The following TRIO variants were observed in gnomAD, a reference collection of about 807,000 sequenced individuals.
TRIO encodes the protein trio Rho guanine nucleotide exchange factor, also known as triple functional domain protein.
TRIO carries 58 observed loss-of-function variants against 351.9 expected under a neutral mutation model. The observed-to-expected ratio is 0.16, with a 90% CI of 0.13 to 0.21. The LOEUF (loss-of-function observed/expected upper bound fraction) is 0.21, where lower values mean the gene tolerates loss of function less well. Among genes scored for constraint, TRIO ranks in the 10% least tolerant of loss-of-function variants. The pLI, the probability that TRIO is intolerant of heterozygous loss-of-function variation, is 1.00. For synonymous variants in TRIO, 1,758 were observed against 1,595.7 expected (o/e 1.10, Z -2.42); for missense variants, 3,201 against 4,027.8 (o/e 0.79, Z 5.56).
At chr5:14,297,049 C>T (rs1463744756) in intron 6 of TRIO, 23 bp from the exon 7 acceptor site, 2 of 1,599,324 alleles carry the variant, frequency 1.3e-6, no homozygotes, top group Admixed American at 3.4e-5. Flanking sequence ...CTAAGGAGCC[C>T]TCTTTTCCTG....
At chr5:14,412,025 T>C (rs1749252068) in intron 33 of TRIO, among the ~76,000 whole-genome samples, 1 of 151,094 alleles carries the variant, frequency 6.6e-6, no homozygotes, top group African/African-American at 2.4e-5. Flanking sequence ...TCTTGCTCTG[T>C]CTCCCAGGCT....
At chr5:14,468,045 C>A (rs546796242) in intron 37 of TRIO, among the ~76,000 whole-genome samples, 3 of 152,122 alleles carry the variant, frequency 2.0e-5, no homozygotes, top group Non-Finnish European at 4.4e-5. Context: ...TCCCAGGGAA[C>A]GCTGTGAGGC....
intron 1 of TRIO, among the ~76,000 whole-genome samples, chr5:14,144,735 G>C (rs1014292606): frequency 3.3e-5 from 5 of 151,980 alleles, no homozygotes; most frequent in Non-Finnish European, 5.9e-5. Context: ...GGGGCACCGG[G>C]TTTGCTGCGC....
chr5:14,424,164 C>T (rs962103828), intron 34 of TRIO, among the ~76,000 whole-genome samples: 1 of 151,942 alleles, frequency 6.6e-6, no homozygotes, highest in African/African-American at 2.4e-5. Context: ...TGAGATGGGG[C>T]GGGCGCAGGA....
chr5:14,187,300 A>G (rs1790181418), intron 1 of TRIO, among the ~76,000 whole-genome samples: 1 of 152,252 alleles, frequency 6.6e-6, no homozygotes. Context: ...AATGGGAGAT[A>G]AGGATTTTTA....
At chr5:14,456,059 G>T (rs1753275515) in intron 34 of TRIO, among the ~76,000 whole-genome samples, 1 of 152,280 alleles carries the variant, frequency 6.6e-6, no homozygotes, top group Non-Finnish European at 1.5e-5. Flanking sequence ...GTGCGGGCGG[G>T]CTGGCTGGCA....
chr5:14,301,883 G>C (rs1179741994), intron 7 of TRIO, among the ~76,000 whole-genome samples: 5 of 152,056 alleles, frequency 3.3e-5, no homozygotes, highest in African/African-American at 1.2e-4. Context: ...TTGTGTCTTA[G>C]AAATAAAGAA....
intron 8 of TRIO, among the ~76,000 whole-genome samples, chr5:14,314,177 A>G (rs1471349709): frequency 2.0e-5 from 3 of 152,258 alleles, no homozygotes; most frequent in African/African-American, 7.2e-5. Flanking sequence ...GATATAACAC[A>G]AATTTTATGA....
chr5:14,222,142 CTTTTTT>C (rs34968826), intron 1 of TRIO, among the ~76,000 whole-genome samples: 1 of 141,424 alleles, frequency 7.1e-6, no homozygotes, highest in African/African-American at 2.6e-5. Context: ...TTTTTCTTTT[CTTTTTT>C]TTTTTTTTAG....
chr5:14,209,238 T>C (rs889406341), intron 1 of TRIO, among the ~76,000 whole-genome samples: 1 of 152,192 alleles, frequency 6.6e-6, no homozygotes, highest in Non-Finnish European at 1.5e-5. Flanking sequence ...GGTATGTAAA[T>C]TATACCTTAA....
At chr5:14,465,901 G>T in intron 37 of TRIO, 1 of 439,276 alleles carries the variant, frequency 2.3e-6, no homozygotes, top group Non-Finnish European at 4.2e-6. Flanking sequence ...AACTGCATAG[G>T]GCAGGTCTCA....
chr5:14,476,704 G>T (rs1561534681), intron 40 of TRIO, among the ~76,000 whole-genome samples, 190 bp from the exon 41 acceptor site: 1 of 151,590 alleles, frequency 6.6e-6, no homozygotes, highest in Non-Finnish European at 1.5e-5. Context: ...TGAGGCAGGA[G>T]AATTGCTTGA....
intron 54 of TRIO, 61 bp from the exon 55 acceptor site, chr5:14,504,332 G>T: frequency 6.3e-7 from 1 of 1,576,508 alleles, no homozygotes; most frequent in East Asian, 2.2e-5. Context: ...GGATAACAGA[G>T]TCTTTCTCGG....
intron 36 of TRIO, among the ~76,000 whole-genome samples, chr5:14,463,674 CT>C (rs758172986): frequency 0.03 from 4,102 of 137,000 alleles, 116 homozygotes; most frequent in African/African-American, 0.088. Flanking sequence ...ACTGGTGATG[CT>C]TTTTTTTTTT....
chr5:14,342,018 T>G (rs1377507658), intron 11 of TRIO, among the ~76,000 whole-genome samples: 2 of 152,248 alleles, frequency 1.3e-5, no homozygotes, highest in Non-Finnish European at 2.9e-5. Flanking sequence ...GATGTTTTGT[T>G]GCAGACACCA....
intron 9 of TRIO, among the ~76,000 whole-genome samples, chr5:14,326,082 G>A (rs144904521): frequency 1.3e-5 from 2 of 152,254 alleles, no homozygotes; most frequent in East Asian, 3.9e-4. Flanking sequence ...CTGGCTTCTA[G>A]TGCACACTCA....
intron 33 of TRIO, among the ~76,000 whole-genome samples, chr5:14,418,403 G>A (rs1316169080): frequency 6.6e-6 from 1 of 152,166 alleles, no homozygotes; most frequent in East Asian, 1.9e-4. Flanking sequence ...GCCCCTGCGG[G>A]ACCCAGTGAA....
intron 2 of TRIO, among the ~76,000 whole-genome samples, 200 bp from the exon 3 acceptor site, chr5:14,280,122 C>T (rs1735871327): frequency 6.6e-6 from 1 of 152,164 alleles, no homozygotes; most frequent in Admixed American, 6.5e-5. Flanking sequence ...TTCCATGTGG[C>T]CTGCAGAGCT....
At chr5:14,481,749 A>T in intron 45 of TRIO, 131 bp downstream of exon 45, 1 of 663,652 alleles carries the variant, frequency 1.5e-6, no homozygotes, top group Non-Finnish European at 2.3e-6. Flanking sequence ...ACTTTACCTC[A>T]ATCTGATTGA....
Sources: allele counts gnomAD v4.1 joint callset (sites outside exome capture counted in the v4.1 genomes callset), GRCh38; gene constraint gnomAD v4.1.1; transcripts MANE v1.5; gene names NCBI Gene and HGNC (gene_info 2026-07-23, HGNC 2026-07-21).